The following FAM193A variants were observed in gnomAD, a reference collection of about 807,000 sequenced individuals.
FAM193A encodes the protein family with sequence similarity 193 member A.
Under a neutral mutation model 126.5 loss-of-function variants are expected in FAM193A, and 22 were observed. The ratio of observed to expected loss-of-function variants is 0.17; its 90% CI spans 0.12 to 0.25. The LOEUF is 0.25. Ranked by LOEUF, FAM193A falls within the 10% of genes least tolerant of loss-of-function variation. FAM193A has a pLI of 1.00. For synonymous variants in FAM193A, 761 were observed against 646.8 expected (o/e 1.18, Z -2.68); for missense variants, 1,675 against 1,672.8 (o/e 1.00, Z -0.02).
intron 19 of FAM193A, 43 bp downstream of exon 19, chr4:2,700,587 G>A: frequency 6.4e-7 from 1 of 1,574,374 alleles, no homozygotes; most frequent in Non-Finnish European, 8.6e-7. Flanking sequence ...GCGATGCCTG[G>A]TTTTCCATGT....
At chr4:2,613,864 C>T (rs1233987450) in intron 2 of FAM193A, among the ~76,000 whole-genome samples, 1 of 151,184 alleles carries the variant, frequency 6.6e-6, no homozygotes, top group Non-Finnish European at 1.5e-5. Context: ...TCTCCTGGGT[C>T]CCGGTTCAAG....
intron 2 of FAM193A, among the ~76,000 whole-genome samples, chr4:2,615,906 G>T (rs1290527635): frequency 6.6e-6 from 1 of 152,028 alleles, no homozygotes; most frequent in African/African-American, 2.4e-5. Flanking sequence ...TGCCCGCTCT[G>T]GTTCAAGCGA....
rs1383973264 is a variant in FAM193A at position 2,577,257 on chromosome 4, T to C, written c.256-18827T>C. On this transcript the variant is annotated intron_variant, in intron 1 of 20. Coordinates refer to ENST00000637812, the MANE Select transcript of FAM193A (RefSeq NM_001366318.2). Reference sequence around the variant, plus strand: ...TTAAAGCATTTAATTTTCAACACCATGAAGTAAAAACACATTGTTAGTGCT... The same window carrying C: ...TTAAAGCATTTAATTTTCAACACCACGAAGTAAAAACACATTGTTAGTGCT... 2.0e-5 allele frequency among the ~76,000 whole-genome samples: 3 copies of C among 152,166 alleles called. No homozygotes were observed. In the East Asian group the frequency reaches 5.8e-4, roughly 29 times the overall value.
chr4:2,607,625 T>C (rs905498827), intron 2 of FAM193A, among the ~76,000 whole-genome samples: 2 of 152,246 alleles, frequency 1.3e-5, no homozygotes, highest in African/African-American at 4.8e-5. Context: ...TCCCTTCTAA[T>C]TCTTCATTAT....
At chr4:2,560,394 C>T (rs1351509612) in intron 1 of FAM193A, among the ~76,000 whole-genome samples, 1 of 152,178 alleles carries the variant, frequency 6.6e-6, no homozygotes, top group Non-Finnish European at 1.5e-5. Flanking sequence ...GGTGCCTGTC[C>T]TGGCTCGGCC....
chr4:2,714,898 A>C (rs1054326748), intron 19 of FAM193A, among the ~76,000 whole-genome samples: 2 of 152,130 alleles, frequency 1.3e-5, no homozygotes, highest in African/African-American at 4.8e-5. Context: ...TGCTGTGTGC[A>C]CTGCACCCCC....
At chr4:2,628,586 A>G (rs941991192) in intron 4 of FAM193A, among the ~76,000 whole-genome samples, 1 of 152,174 alleles carries the variant, frequency 6.6e-6, no homozygotes, top group Non-Finnish European at 1.5e-5. Context: ...GCACTGAGCT[A>G]GGATCGCTCC....
intron 1 of FAM193A, among the ~76,000 whole-genome samples, chr4:2,551,066 C>A (rs1405705225): frequency 6.6e-6 from 1 of 152,142 alleles, no homozygotes; most frequent in Non-Finnish European, 1.5e-5. Flanking sequence ...TCCTAAAGTG[C>A]TGGGATCACA....
chr4:2,538,563 G>C (rs1737030984), intron 1 of FAM193A, among the ~76,000 whole-genome samples: 2 of 150,844 alleles, frequency 1.3e-5, no homozygotes, highest in South Asian at 4.3e-4. Flanking sequence ...TCCCGAGATT[G>C]CCCTCATCCA....
At chr4:2,640,564 T>C (rs1744513410) in intron 6 of FAM193A, among the ~76,000 whole-genome samples, 1 of 152,216 alleles carries the variant, frequency 6.6e-6, no homozygotes, top group Non-Finnish European at 1.5e-5. Flanking sequence ...ACCACAGGTC[T>C]GCAGTTTGGT....
At chr4:2,562,634 T>C (rs1250164085) in intron 1 of FAM193A, among the ~76,000 whole-genome samples, 1 of 149,718 alleles carries the variant, frequency 6.7e-6, no homozygotes, top group Non-Finnish European at 1.5e-5. Context: ...TTTCCTTTTT[T>C]TGTTTTTTTT....
At chr4:2,644,123 G>A (rs1027685619) in intron 6 of FAM193A, among the ~76,000 whole-genome samples, 1 of 152,160 alleles carries the variant, frequency 6.6e-6, no homozygotes. Flanking sequence ...GATAGTCCCT[G>A]TGACTCTTTT....
chr4:2,577,422 G>GTTTTTTTGTTTTTTTTTTTT (rs1553888656), intron 1 of FAM193A, among the ~76,000 whole-genome samples: 6 of 115,542 alleles, frequency 5.2e-5, no homozygotes, highest in South Asian at 3.0e-4. Flanking sequence ...TTTTTTTTTT[G>GTTTTTTTGTTTTTTTTTTTT]TTTTTTTTTT....
chr4:2,605,051 C>T (rs1221826976), intron 2 of FAM193A, among the ~76,000 whole-genome samples: 1 of 151,628 alleles, frequency 6.6e-6, no homozygotes, highest in African/African-American at 2.4e-5. Context: ...CCAAGCAATC[C>T]TACCACCTTG....
At chr4:2,608,472 C>G (rs767586855) in intron 2 of FAM193A, among the ~76,000 whole-genome samples, 1 of 152,138 alleles carries the variant, frequency 6.6e-6, no homozygotes, top group Non-Finnish European at 1.5e-5. Context: ...CACGGCCTCC[C>G]AAAGTGCTGG....
rs997118875 is a variant in FAM193A at position 2,716,917 on chromosome 4, A to C, written c.4454+813A>C. On this transcript the variant is annotated intron_variant, in intron 20 of 20. Transcript: ENST00000637812. Reference sequence around the variant, plus strand: ...TCTCAAACTCCTGACCTCAGGTGATACACCTGCCTTAGCCTCCCAAAGTGC... The same window carrying C: ...TCTCAAACTCCTGACCTCAGGTGATCCACCTGCCTTAGCCTCCCAAAGTGC... Among the ~76,000 whole-genome samples, 54 of 152,160 alleles carry C rather than the reference A, an allele frequency of 3.5e-4. 1 individual carries two copies. The highest frequency in any genetic ancestry group is 1.3e-3 in the African/African-American group (52 of 41,530).
intron 6 of FAM193A, among the ~76,000 whole-genome samples, chr4:2,645,774 G>A (rs558873308): frequency 6.6e-6 from 1 of 152,102 alleles, no homozygotes; most frequent in South Asian, 2.1e-4. Context: ...TGATCCCCTC[G>A]CCTAGGCCTC....
At chr4:2,716,818 A>C (rs1359391728) in intron 20 of FAM193A, among the ~76,000 whole-genome samples, 1 of 151,942 alleles carries the variant, frequency 6.6e-6, no homozygotes, top group Non-Finnish European at 1.5e-5. Context: ...CTGGGATTAC[A>C]GGCGCCCACA....
intron 17 of FAM193A, 147 bp from the exon 18 acceptor site, chr4:2,696,216 T>G: frequency 3.3e-6 from 2 of 611,938 alleles, no homozygotes; most frequent in Non-Finnish European, 5.5e-6. Context: ...GTTTTTCTCT[T>G]TTTCTGCTGG....
Sources: allele counts gnomAD v4.1 joint callset (sites outside exome capture counted in the v4.1 genomes callset), GRCh38; gene constraint gnomAD v4.1.1; transcripts MANE v1.5; gene names NCBI Gene and HGNC (gene_info 2026-07-23, HGNC 2026-07-21).